ANXA13: variants seen among roughly 807,000 people sequenced by gnomAD.
ANXA13 encodes annexin A13, also known as annexin XIII.
ANXA13 carries 36 observed loss-of-function variants against 46.6 expected under a neutral mutation model. The ratio of observed to expected loss-of-function variants is 0.77; its 90% CI spans 0.59 to 1.02. The LOEUF (loss-of-function observed/expected upper bound fraction) is 1.02. Ranked by LOEUF, ANXA13 falls within the 50% of genes least tolerant of loss-of-function variation. The pLI, the probability that ANXA13 is intolerant of heterozygous loss-of-function variation, is 0.00. For missense variants in ANXA13, 417 were observed against 396.5 expected (o/e 1.05, Z -0.44); for synonymous variants, 163 against 152.9 (o/e 1.07, Z -0.49).
rs753532443 is a variant in ANXA13, at chr8:123,681,058, C to T, written c.*182G>A. On this transcript the variant is annotated 3_prime_UTR_variant, in exon 11 of 11. Coordinates refer to ENST00000419625, the MANE Select transcript of ANXA13 (RefSeq NM_004306.4). Reference sequence around the variant, plus strand: ...GCCAGAGTTCAAGGTGCCCTGCCCACGCATCTTAACGTTACTGCCCTTAAC... The same window carrying T: ...GCCAGAGTTCAAGGTGCCCTGCCCATGCATCTTAACGTTACTGCCCTTAAC... 45 of 695,194 alleles carry T rather than the reference C, an allele frequency of 6.5e-5. No homozygotes were observed. The Middle Eastern group carries it at 1.4e-3, about 21-fold the overall frequency. The allele number at this position is 695,194 out of a possible 1,614,324, so 43.1% of individuals were successfully genotyped here.
intron 6 of ANXA13, 54 bp downstream of exon 6, chr8:123,695,448 T>G: frequency 7.4e-7 from 1 of 1,348,746 alleles, no homozygotes. Context: ...GGTGCCATGT[T>G]GCCAAGGATT....
At chr8:123,719,490 A>G (rs1242398217) in intron 1 of ANXA13, among the ~76,000 whole-genome samples, 1 of 152,232 alleles carries the variant, frequency 6.6e-6, no homozygotes, top group Non-Finnish European at 1.5e-5. Flanking sequence ...TAAATGACAC[A>G]TGACAATTGC....
At position 123,732,516 on chromosome 8, in the gene ANXA13, G is replaced by A. The variant is rs189672578; in HGVS notation, c.15+4804C>T. Among the ~76,000 whole-genome samples, 303 of 152,320 alleles carry A rather than the reference G, an allele frequency of 2.0e-3. 1 individual carries two copies. Among genetic ancestry groups the A allele is most frequent in the African/African-American group, 6.9e-3 (287 of 41,560 alleles). ...TAGCACTGGGAGGTGGGCTCACGCTGCTGGGACATGCAGGATTCTCTCCCC... is the reference window on the plus strand; with the variant it reads ...TAGCACTGGGAGGTGGGCTCACGCTACTGGGACATGCAGGATTCTCTCCCC... On this transcript the variant is annotated intron_variant, in intron 1 of 10. Coordinates refer to ENST00000419625, the MANE Select transcript of ANXA13 (RefSeq NM_004306.4).
chr8:123,735,308 A>G (rs913242928), intron 1 of ANXA13, among the ~76,000 whole-genome samples: 22 of 152,222 alleles, frequency 1.4e-4, no homozygotes, highest in African/African-American at 5.1e-4. Context: ...CAAAACCACC[A>G]GCATTCTAGT....
chr8:123,699,677 G>A (rs971859611), intron 3 of ANXA13, among the ~76,000 whole-genome samples: 2 of 152,236 alleles, frequency 1.3e-5, no homozygotes, highest in African/African-American at 4.8e-5. Context: ...TAGAGCGACA[G>A]CCTGGGATGG....
chr8:123,724,964 G>A (rs1813955832), intron 1 of ANXA13, among the ~76,000 whole-genome samples: 1 of 152,130 alleles, frequency 6.6e-6, no homozygotes, highest in South Asian at 2.1e-4. Flanking sequence ...AGGTTCTGTG[G>A]CCCACAAAGC....
intron 1 of ANXA13, 45 bp from the exon 2 acceptor site, chr8:123,712,798 C>T: frequency 3.9e-6 from 6 of 1,556,928 alleles, no homozygotes; most frequent in Non-Finnish European, 5.3e-6. Context: ...ATACGCATTC[C>T]TAAATGATCT....
chr8:123,698,271 T>TC, intron 4 of ANXA13, 118 bp downstream of exon 4: 1 of 1,127,400 alleles, frequency 8.9e-7, no homozygotes, highest in Non-Finnish European at 1.3e-6. Flanking sequence ...CACATATGTC[T>TC]CCCCAGACAC....
chr8:123,706,412 C>A (rs1403247738), intron 2 of ANXA13, among the ~76,000 whole-genome samples: 4 of 152,202 alleles, frequency 2.6e-5, no homozygotes, highest in Non-Finnish European at 5.9e-5. Flanking sequence ...CCGGAAGGAG[C>A]CTTTCTGCGT....
At chr8:123,731,120 T>A (rs1203692305) in intron 1 of ANXA13, among the ~76,000 whole-genome samples, 1 of 152,234 alleles carries the variant, frequency 6.6e-6, no homozygotes, top group East Asian at 1.9e-4. Context: ...TGCAGATTGC[T>A]GGATCCCATC....
chr8:123,716,845 C>A (rs1813767477), intron 1 of ANXA13, among the ~76,000 whole-genome samples: 1 of 152,090 alleles, frequency 6.6e-6, no homozygotes, highest in Non-Finnish European at 1.5e-5. Flanking sequence ...GTTTTTGAAA[C>A]CTGAAGCAAC....
chr8:123,702,408 T>C (rs1813461098), intron 3 of ANXA13, among the ~76,000 whole-genome samples: 2 of 152,156 alleles, frequency 1.3e-5, no homozygotes, highest in Non-Finnish European at 2.9e-5. Context: ...CATAGAAAAA[T>C]GAAGTCAATT....
chr8:123,709,714 C>A (rs989381204), intron 2 of ANXA13, among the ~76,000 whole-genome samples: 1 of 152,184 alleles, frequency 6.6e-6, no homozygotes, highest in Non-Finnish European at 1.5e-5. Context: ...GTCAACATTT[C>A]TTGGGCAAGG....
chr8:123,705,836 A>T (rs541610750), intron 2 of ANXA13, among the ~76,000 whole-genome samples: 79 of 152,256 alleles, frequency 5.2e-4, no homozygotes, highest in African/African-American at 1.4e-3. Flanking sequence ...GGTAGAGAAA[A>T]AAAAGGGAGC....
At chr8:123,702,865 G>A (rs1813470407) in intron 2 of ANXA13, 129 bp from the exon 3 acceptor site, 1 of 759,332 alleles carries the variant, frequency 1.3e-6, no homozygotes, top group Admixed American at 2.3e-5. Flanking sequence ...GAACCCAACG[G>A]ACCCTTAGCT....
At chr8:123,688,847 G>T in intron 9 of ANXA13, 24 bp downstream of exon 9, 2 of 1,609,610 alleles carry the variant, frequency 1.2e-6, no homozygotes, top group South Asian at 1.1e-5. Flanking sequence ...ACCTAAGACA[G>T]GAGCTCTCCT....
At position 123,712,712 on chromosome 8, in the gene ANXA13, A is replaced by C; in HGVS notation, c.57T>G (p.Asp19Glu). Residue 19 changes from aspartate to glutamate, a missense_variant, in exon 2 of 11, where the codon GAT becomes GAG. Asp to Glu is a conservative substitution (Grantham distance 45, BLOSUM62 2). Transcript: ENST00000419625. Reference sequence around the variant, plus strand: ...TGCAGGCTTTGTTCAGCTTTTTGGCATCTCGATCCACATCAAAACCCTGAG... The same window carrying C: ...TGCAGGCTTTGTTCAGCTTTTTGGCCTCTCGATCCACATCAAAACCCTGAG... ...SSPQGFDVDR[D>E]AKKLNKACKG... is the part of the protein sequence containing the mutation. The C allele has an allele frequency of 6.2e-7, 1 of 1,614,238 alleles. No individual in the cohort carries two copies. Among genetic ancestry groups the C allele is most frequent in the Admixed American group, 1.7e-5 (1 of 60,024 alleles).
intron 7 of ANXA13, 120 bp from the exon 8 acceptor site, chr8:123,693,418 G>GA: frequency 1.2e-6 from 1 of 856,044 alleles, no homozygotes; most frequent in Admixed American, 2.5e-5. Flanking sequence ...GAAGTCAAAT[G>GA]GACTAAGCAC....
intron 2 of ANXA13, chr8:123,711,531 A>G (rs1039182803): frequency 6.6e-6 from 1 of 152,320 alleles, no homozygotes; most frequent in Non-Finnish European, 1.5e-5. Flanking sequence ...TTGGCCATGC[A>G]CTGACCCTTA....
Sources: gnomAD v4.1 joint callset for allele counts (sites outside exome capture counted in the v4.1 genomes callset) on GRCh38, gnomAD v4.1.1 for gene constraint, MANE v1.5 for transcripts, NCBI Gene and HGNC (gene_info 2026-07-23, HGNC 2026-07-21) for gene names.